The following PPFIBP1 variants were observed in gnomAD, a reference collection of about 807,000 sequenced individuals.
PPFIBP1 encodes PPFIB scaffold protein 1, also known as liprin-beta-1.
In PPFIBP1, 112 loss-of-function variants were observed where a neutral mutation model predicts 137.8. The ratio of observed to expected loss-of-function variants is 0.81; its 90% CI spans 0.70 to 0.95. The LOEUF (loss-of-function observed/expected upper bound fraction) is 0.95. Among genes scored for constraint, PPFIBP1 ranks in the 40% least tolerant of loss-of-function variants. The pLI is 0.00. For synonymous variants in PPFIBP1, 378 were observed against 417.3 expected, an observed-to-expected ratio of 0.91 and a Z score of 1.15; for missense variants, 1,083 against 1,196.6, an observed-to-expected ratio of 0.91 and a Z score of 1.40.
intron 14 of PPFIBP1, 72 bp downstream of exon 14, chr12:27,671,618 A>G (rs1446501553): frequency 6.2e-6 from 6 of 960,604 alleles, no homozygotes; most frequent in Non-Finnish European, 9.2e-6. Context: ...GATGTATTGC[A>G]TTTATTTACA....
At chr12:27,691,605 T>C (rs1593428706) in intron 27 of PPFIBP1, 144 bp from the exon 28 acceptor site, 2 of 562,422 alleles carry the variant, frequency 3.6e-6, no homozygotes, top group Non-Finnish European at 6.0e-6. Context: ...ATCCAGCTAC[T>C]TTTCTCTCTA....
intron 2 of PPFIBP1, among the ~76,000 whole-genome samples, chr12:27,605,542 T>A (rs915693560): frequency 3.7e-4 from 57 of 152,220 alleles, no homozygotes; most frequent in African/African-American, 1.3e-3. Context: ...ATAGGTAAAA[T>A]TAATTTTTTG....
chr12:27,571,401 GA>G (rs34124652), intron 1 of PPFIBP1, among the ~76,000 whole-genome samples: 2 of 152,034 alleles, frequency 1.3e-5, no homozygotes, highest in African/African-American at 4.8e-5. Context: ...TTTACCCACC[GA>G]AAAAGCATGT....
chr12:27,680,837 G>GTTATT, intron 21 of PPFIBP1, among the ~76,000 whole-genome samples: 1 of 152,266 alleles, frequency 6.6e-6, no homozygotes. Flanking sequence ...ATAATAGACT[G>GTTATT]ACTAGAAACC....
intron 1 of PPFIBP1, among the ~76,000 whole-genome samples, chr12:27,556,657 TAGA>T (rs558940477): frequency 5.5e-4 from 84 of 152,320 alleles, no homozygotes; most frequent in African/African-American, 1.9e-3. Flanking sequence ...TGTGTTGTTT[TAGA>T]AGTTTTCCTG....
intron 5 of PPFIBP1, among the ~76,000 whole-genome samples, chr12:27,646,890 C>T (rs1393219323): frequency 1.3e-5 from 2 of 152,202 alleles, no homozygotes; most frequent in Admixed American, 6.5e-5. Flanking sequence ...AAGGACTAGC[C>T]CAACAGCTCC....
rs867896938 is a variant in PPFIBP1 at position 27,689,114 on chromosome 12, C to T, written c.2596C>T (p.Leu866Phe). The change falls in exon 27 of 30, where the codon CTT becomes TTT. Residue 866 changes from leucine (L) to phenylalanine (F), a missense_variant. Leu to Phe is a conservative substitution (Grantham distance 22, BLOSUM62 0). Transcript: ENST00000228425. ...LRRHLATHFN[L>F]LIGAEAQHQK... ...AAGACATTTGGCCACTCATTTCAAC[C>T]TTCTGATTGGGGCTGAGGCACAGCA... 1 of 1,610,198 alleles carries T rather than the reference C, an allele frequency of 6.2e-7. No homozygotes were observed. The highest frequency in any genetic ancestry group is 8.5e-7 in the Non-Finnish European group (1 of 1,179,096).
At chr12:27,567,615 G>A (rs1196404712) in intron 1 of PPFIBP1, among the ~76,000 whole-genome samples, 1 of 152,088 alleles carries the variant, frequency 6.6e-6, no homozygotes, top group African/African-American at 2.4e-5. Context: ...ATTGAAGCTG[G>A]TCATGGGTAC....
At chr12:27,642,485 A>G (rs542135480) in intron 4 of PPFIBP1, among the ~76,000 whole-genome samples, 5 of 152,372 alleles carry the variant, frequency 3.3e-5, no homozygotes, top group African/African-American at 9.6e-5. Flanking sequence ...GAATCAAAAG[A>G]AACGTAAGAC....
Position 27,673,846 on chromosome 12 carries a change from G to A in PPFIBP1, c.1380+19G>A, listed in dbSNP as rs770438509. 6.3e-7 allele frequency: 1 copy of A among 1,583,074 alleles called. No individual in the cohort carries two copies. ...TGATGGGGTGGGTTCTGTGTTTTTT[G>A]TTTTTTTTTGTCTGTTATCCTGAGA... On this transcript the variant is annotated intron_variant, in intron 16 of 29. Coordinates refer to ENST00000228425, the MANE Select transcript of PPFIBP1 (RefSeq NM_003622.4).
At chr12:27,584,744 A>G (rs1050073554) in intron 2 of PPFIBP1, among the ~76,000 whole-genome samples, 2 of 152,212 alleles carry the variant, frequency 1.3e-5, no homozygotes, top group Admixed American at 6.5e-5. Context: ...AGAAATTATC[A>G]TTTGTTGTTG....
chr12:27,579,202 G>T (rs1162855267), intron 2 of PPFIBP1, among the ~76,000 whole-genome samples: 1 of 152,224 alleles, frequency 6.6e-6, no homozygotes, highest in Non-Finnish European at 1.5e-5. Context: ...AATTTCCTCT[G>T]TGTCCATGAG....
intron 1 of PPFIBP1, among the ~76,000 whole-genome samples, chr12:27,550,313 T>C (rs1235317063): frequency 6.6e-6 from 1 of 152,184 alleles, no homozygotes; most frequent in Non-Finnish European, 1.5e-5. Flanking sequence ...TTTCTGTACT[T>C]AAAGCCCCTG....
intron 1 of PPFIBP1, among the ~76,000 whole-genome samples, chr12:27,561,577 A>G (rs987692121): frequency 7.9e-5 from 12 of 152,220 alleles, no homozygotes; most frequent in Non-Finnish European, 1.2e-4. Flanking sequence ...TTTTCCCTCA[A>G]AAGGAAATCA....
chr12:27,587,204 G>A (rs902936607), intron 2 of PPFIBP1, among the ~76,000 whole-genome samples: 1 of 152,148 alleles, frequency 6.6e-6, no homozygotes, highest in Non-Finnish European at 1.5e-5. Context: ...AGGCAGGTGC[G>A]AGAATGAATG....
chr12:27,639,178 A>G (rs2057920601), intron 4 of PPFIBP1, among the ~76,000 whole-genome samples: 1 of 152,238 alleles, frequency 6.6e-6, no homozygotes, highest in African/African-American at 2.4e-5. Flanking sequence ...CTGGAAATGA[A>G]CAAATTTCTT....
chr12:27,529,363 G>A (rs766191961), intron 1 of PPFIBP1, among the ~76,000 whole-genome samples: 1 of 152,202 alleles, frequency 6.6e-6, no homozygotes, highest in Non-Finnish European at 1.5e-5. Flanking sequence ...TGGTGAAAGA[G>A]GTACTAAGGC....
chr12:27,661,376 T>C (rs1727449103), intron 11 of PPFIBP1, among the ~76,000 whole-genome samples: 1 of 152,218 alleles, frequency 6.6e-6, no homozygotes, highest in Admixed American at 6.5e-5. Flanking sequence ...GTTTCACATC[T>C]GTGATTGTCT....
At chr12:27,595,894 T>C (rs61915340) in intron 2 of PPFIBP1, among the ~76,000 whole-genome samples, 34 of 81,172 alleles carry the variant, frequency 4.2e-4, no homozygotes, top group Non-Finnish European at 6.8e-4. Context: ...AAAATATATA[T>C]ATATATATAT....
Sources: gnomAD v4.1 joint callset for allele counts (sites outside exome capture counted in the v4.1 genomes callset) on GRCh38, gnomAD v4.1.1 for gene constraint, MANE v1.5 for transcripts, NCBI Gene and HGNC (gene_info 2026-07-23, HGNC 2026-07-21) for gene names.